Variants in PCDHA1 observed in about 807,000 individuals in gnomAD.
The protein encoded by PCDHA1 is protocadherin alpha 1, also known as protocadherin alpha-1.
A neutral mutation model predicts 61.3 loss-of-function variants in PCDHA1; 42 were observed. The observed-to-expected ratio is 0.69, with a 90% CI of 0.54 to 0.89. The LOEUF (loss-of-function observed/expected upper bound fraction) is 0.89. Among genes scored for constraint, PCDHA1 ranks in the 40% least tolerant of loss-of-function variants. The pLI, the probability that PCDHA1 is intolerant of heterozygous loss-of-function variation, is 0.00. For synonymous variants in PCDHA1, 610 were observed against 553.8 expected (o/e 1.10, Z -1.43); for missense variants, 1,256 against 1,235.3 (o/e 1.02, Z -0.25).
intron 1 of PCDHA1, chr5:140,849,602 T>G: frequency 6.3e-7 from 1 of 1,598,704 alleles, no homozygotes; most frequent in South Asian, 1.1e-5. Flanking sequence ...GGACAGTTAT[T>G]GCCCTGATTA....
intron 1 of PCDHA1, chr5:140,822,197 T>A (rs1767226544): frequency 6.2e-7 from 1 of 1,614,220 alleles, no homozygotes; most frequent in Middle Eastern, 1.6e-4. Context: ...AGATTATTCA[T>A]TTTAGAGTCA....
At chr5:140,819,848 T>C (rs1554127755) in intron 1 of PCDHA1, among the ~76,000 whole-genome samples, 2 of 152,086 alleles carry the variant, frequency 1.3e-5, no homozygotes, top group African/African-American at 2.4e-5. Context: ...TTTTTCTCCA[T>C]TGAGTATATC....
At position 140,875,445 on chromosome 5, in the gene PCDHA1, C is replaced by G; in HGVS notation, c.2394+86761C>G. The G allele has an allele frequency of 2.5e-6, 4 of 1,582,278 alleles. No individual in the cohort carries two copies. The South Asian group carries it at 3.5e-5, about 14-fold the overall frequency. On this transcript the variant is annotated intron_variant, in intron 1 of 3. Transcript: ENST00000504120. Reference sequence around the variant, plus strand: ...CAAGCGATCCCTTAAAACTGATTGTCCCAACTCAGAGGCCCTCATTTTCTG... The same window carrying G: ...CAAGCGATCCCTTAAAACTGATTGTGCCAACTCAGAGGCCCTCATTTTCTG...
intron 1 of PCDHA1, chr5:140,967,284 A>C: frequency 6.2e-7 from 1 of 1,613,190 alleles, no homozygotes. Context: ...GAGAGTGCGC[A>C]GGACCCCGAC....
rs147892853 is a variant in PCDHA1 at position 140,979,173 on chromosome 5, C to A, written c.2453+166C>A. ...CCCATGTTTATTCCTTGAAAGATCG[C>A]AAATGGTCAGTGCCAGATGCTTATC... On this transcript the variant is annotated intron_variant, in intron 2 of 3. Transcript: ENST00000504120. The A allele has an allele frequency of 5.2e-6, 5 of 958,838 alleles. No individual in the cohort carries two copies. The Admixed American group carries it at 3.1e-4, about 59-fold the overall frequency. 59.4% of individuals were successfully genotyped at this position (958,838 alleles called of 1,614,324 possible).
intron 3 of PCDHA1, 146 bp downstream of exon 3, chr5:140,982,709 A>G (rs2096998107): frequency 2.2e-6 from 3 of 1,375,182 alleles, no homozygotes; most frequent in Admixed American, 2.9e-5. Flanking sequence ...ATTTCCTTAC[A>G]TATATGATTA....
At chr5:140,846,469 G>T (rs1554141344) in intron 1 of PCDHA1, among the ~76,000 whole-genome samples, 1 of 143,096 alleles carries the variant, frequency 7.0e-6, no homozygotes, top group Non-Finnish European at 1.5e-5. Flanking sequence ...CTGCCTCCCG[G>T]GTTCAAATGA....
At chr5:140,850,158 G>T (rs1189332521) in intron 1 of PCDHA1, 3 of 1,595,230 alleles carry the variant, frequency 1.9e-6, no homozygotes, top group African/African-American at 2.7e-5. Flanking sequence ...GCAGGTGTTC[G>T]TGCTGGACGA....
chr5:140,802,432 C>T lies in PCDHA1; in HGVS notation c.2394+13748C>T, dbSNP rs1762913012. The T allele has an allele frequency of 1.2e-6, 2 of 1,614,122 alleles. No homozygotes were observed. The highest frequency in any genetic ancestry group is 1.7e-5 in the Admixed American group (1 of 60,012). On this transcript the variant is annotated intron_variant, in intron 1 of 3. Coordinates refer to ENST00000504120, the MANE Select transcript of PCDHA1 (RefSeq NM_018900.4). Reference sequence around the variant, plus strand: ...TACTACTCATTGGTGCTGGACAGCCCTCTGGACCGCGAGAGCGTGTCGGCC... The same window carrying T: ...TACTACTCATTGGTGCTGGACAGCCTTCTGGACCGCGAGAGCGTGTCGGCC...
chr5:140,929,589 G>T lies in PCDHA1; in HGVS notation c.2395-49360G>T, dbSNP rs183312863. 667 of 427,178 alleles carry T rather than the reference G, an allele frequency of 1.6e-3. 2 individuals are homozygous for T. The highest frequency in any genetic ancestry group is 3.3e-3 in the Admixed American group (76 of 23,230). The allele number at this position is 427,178 out of a possible 1,614,324, so 26.5% of individuals were successfully genotyped here. A position where few individuals can be genotyped will look rare whatever the true frequency, so the allele number is the denominator to read the frequency against. On this transcript the variant is annotated intron_variant, in intron 1 of 3. Coordinates refer to ENST00000504120, the MANE Select transcript of PCDHA1 (RefSeq NM_018900.4). ...AACAATAAAAGTAATATGACATAAA[G>T]GTCTAAAATTAAAAATAAAATACCA...
At chr5:140,855,048 A>G (rs2043321235) in intron 1 of PCDHA1, among the ~76,000 whole-genome samples, 1 of 149,960 alleles carries the variant, frequency 6.7e-6, no homozygotes, top group Admixed American at 6.7e-5. Flanking sequence ...CTGTAATAGT[A>G]CTTTTCTGTT....
At position 140,876,586 on chromosome 5, in the gene PCDHA1, A is replaced by C. The variant is rs782256478; in HGVS notation, c.2394+87902A>C. 3 of 1,614,148 alleles carry C rather than the reference A, an allele frequency of 1.9e-6. No individual in the cohort carries two copies. The South Asian group carries it at 3.3e-5, about 18-fold the overall frequency. On this transcript the variant is annotated intron_variant, in intron 1 of 3. Transcript: ENST00000504120. Reference sequence around the variant, plus strand: ...TCAGGTGGGTACCGTCATTGCCCTGATTAGCGTGTCGGATCGTGACTCTGG... The same window carrying C: ...TCAGGTGGGTACCGTCATTGCCCTGCTTAGCGTGTCGGATCGTGACTCTGG...
At chr5:140,808,888 G>A (rs556570330) in intron 1 of PCDHA1, 3 of 1,613,368 alleles carry the variant, frequency 1.9e-6, no homozygotes, top group Admixed American at 1.7e-5. Context: ...CACTGCTAGC[G>A]CCTCGGGCGG....
At chr5:140,806,329 T>A (rs1220747422) in intron 1 of PCDHA1, among the ~76,000 whole-genome samples, 1 of 152,210 alleles carries the variant, frequency 6.6e-6, no homozygotes, top group African/African-American at 2.4e-5. Flanking sequence ...CATTACATAC[T>A]GGAGAACAAG....
intron 3 of PCDHA1, among the ~76,000 whole-genome samples, chr5:141,005,701 CAA>C (rs59860837): frequency 3.2e-3 from 25 of 7,784 alleles, no homozygotes; most frequent in African/African-American, 6.6e-3. Flanking sequence ...AACTCCGTCT[CAA>C]AAAAAAAAAA....
intron 1 of PCDHA1, chr5:140,827,917 G>T: frequency 1.1e-6 from 1 of 901,262 alleles, no homozygotes; most frequent in East Asian, 2.4e-5. Context: ...TGATGTCGCT[G>T]TCTACCATGA....
intron 1 of PCDHA1, among the ~76,000 whole-genome samples, chr5:140,943,840 G>T (rs528235230): frequency 1.4e-4 from 21 of 152,316 alleles, no homozygotes; most frequent in Non-Finnish European, 2.8e-4. Context: ...GAAGTTGTAA[G>T]ATGTCACAGA....
At chr5:140,803,381 C>T (rs376460699) in intron 1 of PCDHA1, 1 of 1,614,094 alleles carries the variant, frequency 6.2e-7, no homozygotes, top group African/African-American at 1.3e-5. Context: ...CGCCGCCAAC[C>T]GAAGGCGACT....
At position 140,802,860 on chromosome 5, in the gene PCDHA1, G is replaced by C. The variant is rs1241489643; in HGVS notation, c.2394+14176G>C. 3 of 1,613,714 alleles carry C rather than the reference G, an allele frequency of 1.9e-6. No homozygotes were observed. In the African/African-American group the frequency reaches 4.0e-5, roughly 21 times the overall value. On this transcript the variant is annotated intron_variant, in intron 1 of 3. Transcript: ENST00000504120. The stretch of plus-strand genomic sequence containing the variant: ...CAGCAACGTGACGCTGCAGGTGTTC[G>C]TGCTGGACGAGAACGACAACGCGCC...
Sources: allele counts gnomAD v4.1 joint callset (sites outside exome capture counted in the v4.1 genomes callset), GRCh38; gene constraint gnomAD v4.1.1; transcripts MANE v1.5; gene names NCBI Gene and HGNC (gene_info 2026-07-23, HGNC 2026-07-21).